The following ZNF79 variants were observed in gnomAD, a reference collection of about 807,000 sequenced individuals.
The protein encoded by ZNF79 is ZNFpT7.
Under a neutral mutation model 14.9 loss-of-function variants are expected in ZNF79, and 13 were observed. The ratio of observed to expected loss-of-function variants is 0.87; its 90% CI spans 0.57 to 1.38. The LOEUF (loss-of-function observed/expected upper bound fraction) is 1.38. Ranked by LOEUF, ZNF79 falls within the 40% of genes most tolerant of loss-of-function variation. ZNF79 has a pLI of 0.00. For synonymous variants in ZNF79, 223 were observed against 235.1 expected (o/e 0.95, Z 0.47); for missense variants, 631 against 630.6 (o/e 1.00, Z -0.01).
At chr9:127,430,961 A>G (rs965542063) in intron 2 of ZNF79, among the ~76,000 whole-genome samples, 3 of 152,086 alleles carry the variant, frequency 2.0e-5, no homozygotes, top group Admixed American at 1.3e-4. Context: ...TTACTTTGTC[A>G]TATTAGCCAT....
intron 2 of ZNF79, among the ~76,000 whole-genome samples, chr9:127,431,769 G>T (rs1047268026): frequency 6.6e-6 from 1 of 152,168 alleles, no homozygotes; most frequent in African/African-American, 2.4e-5. Flanking sequence ...ATGGTGAAAG[G>T]TAGGGGCCCA....
At chr9:127,440,636 A>T (rs1834032413) in intron 4 of ZNF79, among the ~76,000 whole-genome samples, 1 of 152,194 alleles carries the variant, frequency 6.6e-6, no homozygotes, top group Admixed American at 6.5e-5. Flanking sequence ...TGGTGAAAAA[A>T]ATGAAAAAGA....
At chr9:127,432,245 T>G (rs1055906890) in intron 2 of ZNF79, among the ~76,000 whole-genome samples, 8 of 151,686 alleles carry the variant, frequency 5.3e-5, no homozygotes, top group African/African-American at 1.7e-4. Context: ...CCTCCCGGGT[T>G]CATGCCATTC....
At chr9:127,425,587 T>G (rs7020736) in intron 1 of ZNF79, among the ~76,000 whole-genome samples, 62,393 of 151,690 alleles carry the variant, frequency 0.41, 13,968 homozygotes, top group Non-Finnish European at 0.5. Context: ...ATTTGTTTTT[T>G]TTTGTTTGTT....
intron 4 of ZNF79, 43 bp downstream of exon 4, chr9:127,436,046 A>G: frequency 1.3e-6 from 2 of 1,561,316 alleles, no homozygotes; most frequent in Non-Finnish European, 1.8e-6. Flanking sequence ...TTGGGAGCAA[A>G]AGCGCCTTTA....
In ZNF79 at chr9:127,444,638, C is replaced by T. The variant is rs368845278; in HGVS notation, c.938C>T (p.Ala313Val). 1.1e-5 allele frequency: 18 copies of T among 1,614,106 alleles called. No homozygotes were observed. The highest frequency in any genetic ancestry group is 1.5e-5 in the Non-Finnish European group (18 of 1,179,980). Residue 313 changes from alanine (A) to valine (V), a missense_variant, in exon 5 of 5, where the codon GCC becomes GTC. Coordinates refer to ENST00000342483, the MANE Select transcript of ZNF79 (RefSeq NM_007135.3). ...KPYECSDCGK[A>V]FRHSANLTNH... ...TACGAATGCAGCGACTGTGGGAAGG[C>T]CTTCCGTCACAGTGCAAACCTCACG...
chr9:127,431,272 T>C (rs954971269), intron 2 of ZNF79, among the ~76,000 whole-genome samples: 1 of 151,520 alleles, frequency 6.6e-6, no homozygotes, highest in African/African-American at 2.4e-5. Flanking sequence ...TTTTTTTTTT[T>C]TAGAGACAGA....
chr9:127,436,911 C>A (rs1833957654), intron 4 of ZNF79, among the ~76,000 whole-genome samples: 1 of 151,956 alleles, frequency 6.6e-6, no homozygotes, highest in Non-Finnish European at 1.5e-5. Flanking sequence ...ACAAAAAAAT[C>A]AGCTGGGCGT....
intron 2 of ZNF79, among the ~76,000 whole-genome samples, chr9:127,434,564 G>T (rs1031166824): frequency 7.9e-5 from 12 of 152,130 alleles, no homozygotes; most frequent in African/African-American, 2.9e-4. Context: ...ATACATAAAT[G>T]TGTGAAGACA....
At position 127,444,742 on chromosome 9, in the gene ZNF79, T is replaced by C. The variant is rs754073409; in HGVS notation, c.1042T>C (p.Phe348Leu). 4.5e-6 allele frequency: 7 copies of C among 1,564,788 alleles called. No individual in the cohort carries two copies. The highest frequency in any genetic ancestry group is 3.3e-5 in the African/African-American group (2 of 61,398). Residue 348 changes from phenylalanine (F) to leucine (L), a missense_variant, in exon 5 of 5, where the codon TTC (phenylalanine) becomes CTC (leucine). Physicochemically the swap from Phe to Leu is conservative, Grantham distance 22. Coordinates refer to ENST00000342483, the MANE Select transcript of ZNF79 (RefSeq NM_007135.3). Reference sequence around the variant, plus strand: ...GAAGGCCTTCAGTTACTGCGCAGCGTTCATTCAGCACCAGAGGATTCACAC... The same window carrying C: ...GAAGGCCTTCAGTTACTGCGCAGCGCTCATTCAGCACCAGAGGATTCACAC... ...CGKAFSYCAA[F>L]IQHQRIHTGE...
At position 127,428,707 on chromosome 9, in the gene ZNF79, A is replaced by T. The variant is rs141403831; in HGVS notation, c.17-125A>T. The T allele has an allele frequency of 2.4e-6, 3 of 1,262,434 alleles. No individual in the cohort carries two copies. In the East Asian group the frequency reaches 9.5e-5, roughly 40 times the overall value. The allele number at this position is 1,262,434 out of a possible 1,614,324, so 78.2% of individuals were successfully genotyped here. A position where few individuals can be genotyped will look rare whatever the true frequency, so the allele number is the denominator to read the frequency against. ...GGTAGGAGGGAATGGAGAAATTTAC[A>T]TCACACTACAGGTCTGCAGATTCAG... On this transcript the variant is annotated intron_variant, in intron 1 of 4. Coordinates refer to ENST00000342483, the MANE Select transcript of ZNF79 (RefSeq NM_007135.3).
chr9:127,438,466 G>T (rs528861337), intron 4 of ZNF79, among the ~76,000 whole-genome samples: 1 of 152,326 alleles, frequency 6.6e-6, no homozygotes, highest in South Asian at 2.1e-4. Context: ...GCCTCCATGT[G>T]TTCAGCTCTC....
intron 4 of ZNF79, among the ~76,000 whole-genome samples, chr9:127,437,656 T>G (rs952521475): frequency 2.6e-5 from 4 of 151,544 alleles, no homozygotes; most frequent in Non-Finnish European, 5.9e-5. Flanking sequence ...CTGCAGGCTC[T>G]GGGAAGGATC....
Position 127,424,631 on chromosome 9 carries a change from G to T in ZNF79, c.-157G>T, listed in dbSNP as rs1833715824. 8 of 1,163,622 alleles carry T rather than the reference G, an allele frequency of 6.9e-6. No individual in the cohort carries two copies. The African/African-American group carries it at 1.1e-4, about 15-fold the overall frequency. 72.1% of individuals were successfully genotyped at this position (1,163,622 alleles called of 1,614,324 possible). A position where few individuals can be genotyped will look rare whatever the true frequency, so the allele number is the denominator to read the frequency against. ...CGGACAGCTCCCGCGACCCAGCACC[G>T]CAGGATCAGACCGTGCCTCTGCGGG... On this transcript the variant is annotated 5_prime_UTR_variant, in exon 1 of 5. Transcript: ENST00000342483.
chr9:127,444,376 T>C lies in ZNF79; in HGVS notation c.676T>C (p.Cys226Arg). 1 of 1,612,644 alleles carries C rather than the reference T, an allele frequency of 6.2e-7. No homozygotes were observed. Among genetic ancestry groups the C allele is most frequent in the Non-Finnish European group, 8.5e-7 (1 of 1,178,780 alleles). ...AGAGAAGCCCTATGAGTGCAGTGAA[T>C]GTGGGAAGGCCTTCAGCCAGAGCTC... is the stretch of plus-strand genomic sequence containing the variant. ...TGEKPYECSECGKAFSQSSSL... is the reference protein window; with the variant it reads ...TGEKPYECSERGKAFSQSSSL... The change falls in exon 5 of 5, where the codon TGT becomes CGT. Residue 226 changes from cysteine (C) to arginine (R), a missense_variant. Cys to Arg is a radical substitution (Grantham distance 180). Coordinates refer to ENST00000342483, the MANE Select transcript of ZNF79 (RefSeq NM_007135.3).
Position 127,445,098 on chromosome 9 carries a change from CCA to C in ZNF79, c.1403_1404del (p.Thr468ArgfsTer22), listed in dbSNP as rs1367219331. The part of the protein sequence containing the change: ...SSSLSQHQRI[H>X]TGVKPYECSE... ...CATCCCTTAGTCAGCATCAGAGAAT[CCA>C]CACAGGCGTGAAACCCTACGAATGC... is the stretch of plus-strand genomic sequence containing the variant. On this transcript the variant is annotated frameshift_variant, in exon 5 of 5. Transcript: ENST00000342483. LOFTEE classifies it high-confidence loss of function. 3.1e-6 allele frequency: 5 copies of C among 1,597,872 alleles called. No homozygotes were observed. Among genetic ancestry groups the C allele is most frequent in the South Asian group, 2.2e-5 (2 of 88,918 alleles).
chr9:127,443,901 A>AG (rs1491099443), intron 4 of ZNF79, 128 bp from the exon 5 acceptor site: 24 of 122,180 alleles, frequency 2.0e-4, no homozygotes, highest in African/African-American at 8.6e-4. Context: ...ACTCCGTCTC[A>AG]AAAAAAAAAA....
chr9:127,436,052 C>T (rs1298674839), intron 4 of ZNF79, 49 bp downstream of exon 4: 1 of 1,497,104 alleles, frequency 6.7e-7, no homozygotes, highest in East Asian at 2.3e-5. Context: ...GCAAAAGCGC[C>T]TTTAAATCAC....
intron 1 of ZNF79, among the ~76,000 whole-genome samples, chr9:127,427,688 T>C (rs1165575513): frequency 6.6e-6 from 1 of 151,932 alleles, no homozygotes; most frequent in Non-Finnish European, 1.5e-5. Context: ...CCTGCAGGCA[T>C]GCGCCACCAC....
Sources: gnomAD v4.1 joint callset for allele counts (sites outside exome capture counted in the v4.1 genomes callset) on GRCh38, gnomAD v4.1.1 for gene constraint, MANE v1.5 for transcripts, NCBI Gene and HGNC (gene_info 2026-07-23, HGNC 2026-07-21) for gene names.